Variants in PACRG observed in about 807,000 individuals in gnomAD.
PACRG encodes parkin coregulated, also known as parkin coregulated gene protein.
Under a neutral mutation model 29.7 loss-of-function variants are expected in PACRG, and 29 were observed. That is an observed-to-expected ratio of 0.98 (90% CI 0.73 to 1.33). The LOEUF is 1.33. PACRG is among the 40% of genes most tolerant of loss of function. PACRG has a pLI of 0.00. For synonymous variants in PACRG, 116 were observed against 118.7 expected, an observed-to-expected ratio of 0.98 and a Z score of 0.15; for missense variants, 279 against 316.2, an observed-to-expected ratio of 0.88 and a Z score of 0.89.
intron 4 of PACRG, among the ~76,000 whole-genome samples, chr6:163,123,513 A>T (rs1816389081): frequency 6.6e-6 from 1 of 152,234 alleles, no homozygotes; most frequent in Admixed American, 6.5e-5. Context: ...ATTTCTTAAT[A>T]ACTCCTATAT....
At chr6:163,239,132 A>AT (rs558266082) in intron 4 of PACRG, among the ~76,000 whole-genome samples, 110 of 152,204 alleles carry the variant, frequency 7.2e-4, no homozygotes, top group Middle Eastern at 3.4e-3. Flanking sequence ...CTTTTTGAAT[A>AT]TTTTTCTCAT....
chr6:162,989,276 G>A (rs893773527), intron 2 of PACRG, among the ~76,000 whole-genome samples: 2 of 152,146 alleles, frequency 1.3e-5, no homozygotes, highest in African/African-American at 4.8e-5. Flanking sequence ...GGTCAGAAGA[G>A]GAAACTTCCT....
intron 4 of PACRG, among the ~76,000 whole-genome samples, chr6:163,292,844 T>C (rs1366870774): frequency 6.6e-6 from 1 of 152,208 alleles, no homozygotes; most frequent in Non-Finnish European, 1.5e-5. Context: ...CAAAGTTCTG[T>C]TTCTTTCGAT....
intron 2 of PACRG, among the ~76,000 whole-genome samples, chr6:162,827,731 G>A (rs1205476053): frequency 1.3e-5 from 2 of 151,890 alleles, no homozygotes; most frequent in Admixed American, 1.3e-4. Flanking sequence ...CTCCCTTTTT[G>A]TCTCTGAACC....
At chr6:163,232,287 C>T (rs939229756) in intron 4 of PACRG, among the ~76,000 whole-genome samples, 1 of 152,148 alleles carries the variant, frequency 6.6e-6, no homozygotes, top group African/African-American at 2.4e-5. Context: ...TGCCGTGTCC[C>T]GCTGGGGCCT....
chr6:162,829,002 A>C (rs1584476934), intron 2 of PACRG, among the ~76,000 whole-genome samples: 1 of 152,334 alleles, frequency 6.6e-6, no homozygotes, highest in Middle Eastern at 3.4e-3. Context: ...TTCAACATAA[A>C]TATTTTGTGA....
chr6:162,847,436 TTA>T (rs1790498808), intron 2 of PACRG, among the ~76,000 whole-genome samples: 1 of 151,952 alleles, frequency 6.6e-6, no homozygotes, highest in Admixed American at 6.6e-5. Context: ...TTTGGGATTT[TTA>T]TGTTACTATA....
intron 2 of PACRG, among the ~76,000 whole-genome samples, chr6:162,978,919 T>G (rs187472341): frequency 1.3e-5 from 2 of 152,322 alleles, no homozygotes; most frequent in African/African-American, 4.8e-5. Context: ...GAAACACTTT[T>G]CCCGGATAAA....
At chr6:162,998,028 A>G (rs1475870530) in intron 2 of PACRG, among the ~76,000 whole-genome samples, 2 of 152,156 alleles carry the variant, frequency 1.3e-5, no homozygotes, top group African/African-American at 4.8e-5. Context: ...TAGTTTTCTC[A>G]GGAGTTAGAT....
intron 2 of PACRG, among the ~76,000 whole-genome samples, chr6:162,891,533 A>G (rs1307603781): frequency 6.6e-6 from 1 of 152,162 alleles, no homozygotes; most frequent in African/African-American, 2.4e-5. Flanking sequence ...CCAATGAGAC[A>G]GGGCCAAAGA....
At chr6:163,030,332 A>T (rs2128227533) in intron 2 of PACRG, among the ~76,000 whole-genome samples, 1 of 152,326 alleles carries the variant, frequency 6.6e-6, no homozygotes, top group South Asian at 2.1e-4. Context: ...AGATATATAG[A>T]ATTAGCCAAA....
rs182683039 is a variant in PACRG, at chr6:163,061,013, T to C, written c.292-1137T>C. Among the ~76,000 whole-genome samples the C allele has an allele frequency of 3.0e-3, 461 of 152,196 alleles. 2 individuals carry two copies. The highest frequency in any genetic ancestry group is 8.4e-3 in the African/African-American group (348 of 41,534). On this transcript the variant is annotated intron_variant, in intron 2 of 4. Transcript: ENST00000366888. ...TCTCTACATAGGGAATATGTATATATGTAATTTATCAATAAAAAATTTGTT... is the reference window on the plus strand; with the variant it reads ...TCTCTACATAGGGAATATGTATATACGTAATTTATCAATAAAAAATTTGTT...
intron 2 of PACRG, among the ~76,000 whole-genome samples, chr6:162,908,594 G>A (rs1796093166): frequency 6.6e-6 from 1 of 152,184 alleles, no homozygotes; most frequent in South Asian, 2.1e-4. Context: ...GACATTCCAT[G>A]TCTCTGCTCT....
rs1383900268 is a variant in PACRG, at chr6:163,050,828, T to C, written c.292-11322T>C. Among the ~76,000 whole-genome samples, 5 of 152,214 alleles carry C rather than the reference T, an allele frequency of 3.3e-5. No individual in the cohort carries two copies. The East Asian group carries it at 9.6e-4, about 29-fold the overall frequency. On this transcript the variant is annotated intron_variant, in intron 2 of 4. Coordinates refer to ENST00000366888, the MANE Select transcript of PACRG (RefSeq NM_001080379.2). ...TTGCTTTTAATCTTTTCCTTGACTTTGGAGTTTCATAGTGTTTCTGAAAAG... is the reference window on the plus strand; with the variant it reads ...TTGCTTTTAATCTTTTCCTTGACTTCGGAGTTTCATAGTGTTTCTGAAAAG...
rs146156687 is a variant in PACRG, at chr6:163,196,182, T to C, written c.613+106774T>C. Among the ~76,000 whole-genome samples, 56 of 152,332 alleles carry C rather than the reference T, an allele frequency of 3.7e-4. 1 individual carries two copies. In the East Asian group the frequency reaches 0.01, roughly 28 times the overall value. The stretch of plus-strand genomic sequence containing the variant: ...CCCTGATCATCTAGAGTTAGGGAAG[T>C]AGAACCGTGCCCTGCACATGATAAG... On this transcript the variant is annotated intron_variant, in intron 4 of 4. Coordinates refer to ENST00000366888, the MANE Select transcript of PACRG (RefSeq NM_001080379.2).
Position 162,777,378 on chromosome 6 carries a change from G to C in PACRG, c.157-36769G>C, listed in dbSNP as rs1342084909. On this transcript the variant is annotated intron_variant, in intron 1 of 4. Coordinates refer to ENST00000366888, the MANE Select transcript of PACRG (RefSeq NM_001080379.2). This position sits in a 1 kb window ranked among gnomAD's most constrained non-coding sequence, Gnocchi z 4.0. ...CATGTGGGCACACACTCAGCTTATTGATAACATCCCTCAGACACTGCCATT... is the reference window on the plus strand; with the variant it reads ...CATGTGGGCACACACTCAGCTTATTCATAACATCCCTCAGACACTGCCATT... Among the ~76,000 whole-genome samples, 1 of 152,154 alleles carries C rather than the reference G, an allele frequency of 6.6e-6. No individual in the cohort carries two copies. The highest frequency in any genetic ancestry group is 2.4e-5 in the African/African-American group (1 of 41,442).
At chr6:163,282,639 G>A (rs975317573) in intron 4 of PACRG, among the ~76,000 whole-genome samples, 1 of 151,476 alleles carries the variant, frequency 6.6e-6, no homozygotes, top group Non-Finnish European at 1.5e-5. Flanking sequence ...TTGAAACTGG[G>A]AGGTGGAGGT....
chr6:162,917,997 A>G (rs986190690), intron 2 of PACRG, among the ~76,000 whole-genome samples: 4 of 152,202 alleles, frequency 2.6e-5, no homozygotes, highest in Non-Finnish European at 5.9e-5. Flanking sequence ...TAAATTATCT[A>G]AAATGACCAA....
At chr6:162,939,676 C>CGTGTGTGTGT (rs56193057) in intron 2 of PACRG, among the ~76,000 whole-genome samples, 2 of 149,326 alleles carry the variant, frequency 1.3e-5, no homozygotes, top group African/African-American at 2.5e-5. Context: ...CTGTATTTGA[C>CGTGTGTGTGT]GTGTGTGTGT....
Sources: allele counts gnomAD v4.1 joint callset (sites outside exome capture counted in the v4.1 genomes callset), GRCh38; gene constraint gnomAD v4.1.1; non-coding constraint Gnocchi (gnomAD v3.1); transcripts MANE v1.5; gene names NCBI Gene and HGNC (gene_info 2026-07-23, HGNC 2026-07-21).